The following TDRD5 variants were observed in gnomAD, a reference collection of about 807,000 sequenced individuals.
The protein encoded by TDRD5 is tudor domain-containing protein 5.
In TDRD5, 41 loss-of-function variants were observed where a neutral mutation model predicts 120.6. That is an observed-to-expected ratio of 0.34 (90% CI 0.26 to 0.44). The LOEUF (loss-of-function observed/expected upper bound fraction) is 0.44, where lower values mean the gene tolerates loss of function less well. Ranked by LOEUF, TDRD5 falls within the 20% of genes least tolerant of loss-of-function variation. The pLI, the probability that TDRD5 is intolerant of heterozygous loss-of-function variation, is 1.00. For synonymous variants in TDRD5, 430 were observed against 433.7 expected (o/e 0.99, Z 0.11); for missense variants, 1,006 against 1,221.2 (o/e 0.82, Z 2.63).
At chr1:179,663,277 G>T in intron 15 of TDRD5, 71 bp from the exon 16 acceptor site, 6 of 1,496,582 alleles carry the variant, frequency 4.0e-6, no homozygotes, top group Non-Finnish European at 5.4e-6. Context: ...CATTTATCTT[G>T]CCCAAGTTAT....
At chr1:179,657,707 G>A (rs1194863382) in intron 14 of TDRD5, among the ~76,000 whole-genome samples, 1 of 151,928 alleles carries the variant, frequency 6.6e-6, no homozygotes, top group Non-Finnish European at 1.5e-5. Context: ...TTTGTTGTTT[G>A]TGTGGATCTT....
intron 11 of TDRD5, among the ~76,000 whole-genome samples, chr1:179,645,642 T>G: frequency 6.6e-6 from 1 of 152,240 alleles, no homozygotes; most frequent in East Asian, 1.9e-4. Context: ...CTGATTTTTC[T>G]GTATTGCTTT....
intron 3 of TDRD5, 30 bp downstream of exon 3, chr1:179,593,897 C>T: frequency 6.3e-7 from 1 of 1,598,086 alleles, no homozygotes; most frequent in Non-Finnish European, 8.5e-7. Flanking sequence ...TTGGAGCAGT[C>T]ATGGCACATA....
intron 6 of TDRD5, among the ~76,000 whole-genome samples, chr1:179,627,919 T>G (rs1178773941): frequency 6.6e-6 from 1 of 152,084 alleles, no homozygotes; most frequent in Non-Finnish European, 1.5e-5. Context: ...AACTAAATAA[T>G]GAAAAGGAAT....
At chr1:179,670,688 A>T (rs1244271060) in intron 17 of TDRD5, among the ~76,000 whole-genome samples, 1 of 152,092 alleles carries the variant, frequency 6.6e-6, no homozygotes, top group Non-Finnish European at 1.5e-5. Flanking sequence ...TTGTGTGCTT[A>T]TTTGCCATTC....
chr1:179,626,730 T>G (rs967423468), intron 6 of TDRD5, among the ~76,000 whole-genome samples: 1 of 152,096 alleles, frequency 6.6e-6, no homozygotes, highest in Non-Finnish European at 1.5e-5. Context: ...TTTCAACTTT[T>G]TCTGTGTTTG....
rs878892187 is a variant in TDRD5 at position 179,630,902 on chromosome 1, A to G, written c.1108A>G (p.Lys370Glu). ...AGACTTACTAGTGTTTGATGCGGAT[A>G]AGAAGCCTCTACCACCTGGTGAGTG... ...HQDLLVFDADKKPLPPVQSDK... is the reference protein window; with the variant it reads ...HQDLLVFDADEKPLPPVQSDK... Residue 370 changes from lysine to glutamate, a missense_variant, in exon 7 of 18, where the codon AAG (lysine) becomes GAG (glutamate). Around this residue, in one of 3 missense-constraint regions of TDRD5, gnomAD observed 445 missense variants for 515.5 expected, o/e 0.86. Coordinates refer to ENST00000444136, the MANE Select transcript of TDRD5 (RefSeq NM_001199085.3). 5 of 1,613,180 alleles carry G rather than the reference A, an allele frequency of 3.1e-6. No homozygotes were observed. In the South Asian group the frequency reaches 5.5e-5, roughly 18 times the overall value.
At chr1:179,668,206 G>A (rs1679652343) in intron 16 of TDRD5, among the ~76,000 whole-genome samples, 2 of 152,186 alleles carry the variant, frequency 1.3e-5, no homozygotes, top group African/African-American at 2.4e-5. Context: ...TTCAATCTCA[G>A]TTTGGAAGTT....
intron 6 of TDRD5, among the ~76,000 whole-genome samples, chr1:179,628,703 C>T (rs562578893): frequency 6.6e-6 from 1 of 152,166 alleles, no homozygotes; most frequent in East Asian, 1.9e-4. Flanking sequence ...AGTAAATTGA[C>T]TAACCTTTTA....
chr1:179,668,595 G>A (rs554344396), intron 16 of TDRD5, among the ~76,000 whole-genome samples: 14 of 152,168 alleles, frequency 9.2e-5, no homozygotes, highest in South Asian at 2.1e-4. Flanking sequence ...CACTTCTCTC[G>A]TGCCCTGCCC....
intron 17 of TDRD5, among the ~76,000 whole-genome samples, chr1:179,688,065 G>A (rs1441098436): frequency 6.6e-6 from 1 of 152,120 alleles, no homozygotes; most frequent in Non-Finnish European, 1.5e-5. Flanking sequence ...ATATTGTTAT[G>A]TGTGAATTTG....
intron 3 of TDRD5, among the ~76,000 whole-genome samples, chr1:179,594,254 T>C (rs898534416): frequency 6.6e-6 from 1 of 152,204 alleles, no homozygotes; most frequent in Admixed American, 6.5e-5. Flanking sequence ...AATACTTAAA[T>C]TATTAGCCTT....
intron 4 of TDRD5, among the ~76,000 whole-genome samples, chr1:179,600,275 T>C (rs537566842): frequency 2.0e-5 from 3 of 152,198 alleles, no homozygotes; most frequent in South Asian, 2.1e-4. Flanking sequence ...AAGCTCCATT[T>C]ATGGTAAGTA....
intron 7 of TDRD5, 84 bp from the exon 8 acceptor site, chr1:179,634,373 A>G (rs1459710397): frequency 7.1e-7 from 1 of 1,405,076 alleles, no homozygotes; most frequent in Non-Finnish European, 9.7e-7. Context: ...TAATGGTTGT[A>G]TAGCTATTTT....
intron 11 of TDRD5, among the ~76,000 whole-genome samples, chr1:179,641,643 G>A (rs1291388501): frequency 6.6e-6 from 1 of 152,186 alleles, no homozygotes. Flanking sequence ...TTTATTGGAT[G>A]TTGGGAGCGA....
At chr1:179,642,438 CT>C (rs1678102637) in intron 11 of TDRD5, among the ~76,000 whole-genome samples, 1 of 152,106 alleles carries the variant, frequency 6.6e-6, no homozygotes, top group Non-Finnish European at 1.5e-5. Context: ...GGCCTTAGGG[CT>C]TTTGCACATT....
At chr1:179,654,178 G>A (rs1469128736) in intron 13 of TDRD5, 23 bp from the exon 14 acceptor site, 1 of 1,484,476 alleles carries the variant, frequency 6.7e-7, no homozygotes, top group Non-Finnish European at 9.0e-7. Flanking sequence ...TAAAATAAAG[G>A]AATTCTCTTT....
chr1:179,677,732 C>T (rs10913860), intron 17 of TDRD5, among the ~76,000 whole-genome samples: 51,283 of 151,998 alleles, frequency 0.34, 8,873 homozygotes, highest in Admixed American at 0.42. Flanking sequence ...GCCATAGATA[C>T]CAGCACCTGC....
chr1:179,621,296 T>A (rs1676830711), intron 6 of TDRD5, among the ~76,000 whole-genome samples: 1 of 152,144 alleles, frequency 6.6e-6, no homozygotes, highest in African/African-American at 2.4e-5. Context: ...TTTTTACCAC[T>A]TATTGTTATA....
Sources: allele counts gnomAD v4.1 joint callset (sites outside exome capture counted in the v4.1 genomes callset), GRCh38; gene constraint gnomAD v4.1.1; regional missense constraint gnomAD v4.1.1; transcripts MANE v1.5; gene names NCBI Gene and HGNC (gene_info 2026-07-23, HGNC 2026-07-21).